ATP9A: variants seen among roughly 807,000 people sequenced by gnomAD.
ATP9A encodes ATPase phospholipid transporting 9A.
Under a neutral mutation model 144.1 loss-of-function variants are expected in ATP9A, and 52 were observed. That is an observed-to-expected ratio of 0.36 (90% confidence interval 0.29 to 0.45). The LOEUF (loss-of-function observed/expected upper bound fraction) is 0.45, where lower values mean the gene tolerates loss of function less well. ATP9A is among the 20% of genes least tolerant of loss of function. The pLI is 1.00. For synonymous variants in ATP9A, 582 were observed against 557.4 expected, an observed-to-expected ratio of 1.04 and a Z score of -0.62; for missense variants, 947 against 1,392.7, an observed-to-expected ratio of 0.68 and a Z score of 5.09.
At chr20:51,658,516 C>CTT (rs35371153) in intron 13 of ATP9A, among the ~76,000 whole-genome samples, 20,053 of 106,710 alleles carry the variant, frequency 0.19, 2,921 homozygotes, top group South Asian at 0.35. Flanking sequence ...CCTATGCTTC[C>CTT]TTTTTTTTTT....
Position 51,639,452 on chromosome 20 carries a change from T to C in ATP9A, c.1559A>G (p.Asp520Gly). ...ESVGLTLVGR[D>G]QSSMQLRTPG... ...GGTCCTCAGCTGCATGGAAGACTGG[T>C]CTCGGCCCACCAGGGTTAAGCCCAC... Residue 520 changes from aspartate (D) to glycine (G), a missense_variant, in exon 15 of 28, where the codon GAC (aspartate) becomes GGC (glycine). By Grantham distance (94) the Asp-to-Gly change is moderately conservative. Transcript: ENST00000338821. 1 of 1,613,884 alleles carries C rather than the reference T, an allele frequency of 6.2e-7. No homozygotes were observed. Among genetic ancestry groups the C allele is most frequent in the Admixed American group, 1.7e-5 (1 of 59,978 alleles).
At chr20:51,742,324 CAAAAA>C (rs74175576) in intron 1 of ATP9A, among the ~76,000 whole-genome samples, 2 of 118,132 alleles carry the variant, frequency 1.7e-5, no homozygotes, top group African/African-American at 3.1e-5. Context: ...AACACTGTCT[CAAAAA>C]AAAAAAAAAA....
chr20:51,751,240 T>C (rs1449153759), intron 1 of ATP9A, among the ~76,000 whole-genome samples: 1 of 150,728 alleles, frequency 6.6e-6, no homozygotes, highest in African/African-American at 2.4e-5. Context: ...TGAGATTTTT[T>C]AACGTTTCTG....
At chr20:51,701,714 C>T (rs978352960) in intron 4 of ATP9A, among the ~76,000 whole-genome samples, 2 of 152,300 alleles carry the variant, frequency 1.3e-5, no homozygotes, top group Admixed American at 6.5e-5. Flanking sequence ...TTTTTAGCCA[C>T]GGTCATTCAT....
chr20:51,669,067 A>G (rs935255571), intron 13 of ATP9A, among the ~76,000 whole-genome samples: 1 of 152,162 alleles, frequency 6.6e-6, no homozygotes, highest in Non-Finnish European at 1.5e-5. Flanking sequence ...TTATCTCCAA[A>G]CAAGTGCTGC....
intron 3 of ATP9A, among the ~76,000 whole-genome samples, chr20:51,719,749 G>GAAAT (rs1343871320): frequency 7.8e-6 from 1 of 128,580 alleles, no homozygotes; most frequent in East Asian, 2.3e-4. Flanking sequence ...AAAAAAAGGG[G>GAAAT]GGGGAAGAAG....
intron 2 of ATP9A, among the ~76,000 whole-genome samples, chr20:51,727,654 G>A (rs150250723): frequency 4.3e-4 from 66 of 151,804 alleles, no homozygotes; most frequent in African/African-American, 1.4e-3. Flanking sequence ...TTAAATGGCC[G>A]CACACAGTGG....
At chr20:51,701,426 A>G (rs2122834214) in intron 4 of ATP9A, among the ~76,000 whole-genome samples, 1 of 152,286 alleles carries the variant, frequency 6.6e-6, no homozygotes, top group Non-Finnish European at 1.5e-5. Context: ...AATTAGCTCA[A>G]ATTTTTAAGT....
chr20:51,745,265 T>A (rs1210749619), intron 1 of ATP9A, among the ~76,000 whole-genome samples: 1,104 of 106,502 alleles, frequency 0.01, 16 homozygotes, highest in African/African-American at 0.038. Flanking sequence ...AGACTCCGTC[T>A]AAAAAAAAAA....
At chr20:51,607,870 C>A (rs1185315713) in intron 25 of ATP9A, among the ~76,000 whole-genome samples, 1 of 151,776 alleles carries the variant, frequency 6.6e-6, no homozygotes, top group Non-Finnish European at 1.5e-5. Context: ...ATGGTGAAAC[C>A]TCCTCTTTAC....
At position 51,656,905 on chromosome 20, in the gene ATP9A, T is replaced by TC. The variant is rs1002477602; in HGVS notation, c.1506+32dup. 5 of 1,592,542 alleles carry TC rather than the reference T, an allele frequency of 3.1e-6. No homozygotes were observed. In the African/African-American group the frequency reaches 5.4e-5, roughly 17 times the overall value. On this transcript the variant is annotated intron_variant, in intron 14 of 27. Coordinates refer to ENST00000338821, the MANE Select transcript of ATP9A (RefSeq NM_006045.3). Reference sequence around the variant, plus strand: ...CAGCACAGAGAAAACAAGCAGGGCCTCCCCATGCCTTGCTGCACCTGCCCA... The same window carrying TC: ...CAGCACAGAGAAAACAAGCAGGGCCTCCCCCATGCCTTGCTGCACCTGCCCA...
At position 51,601,127 on chromosome 20, in the gene ATP9A, A is replaced by G; in HGVS notation, c.*84T>C. 3 of 1,457,986 alleles carry G rather than the reference A, an allele frequency of 2.1e-6. No homozygotes were observed. Among genetic ancestry groups the G allele is most frequent in the Admixed American group, 2.3e-5 (1 of 42,718 alleles). The allele number at this position is 1,457,986 out of a possible 1,614,324, so 90.3% of individuals were successfully genotyped here. On this transcript the variant is annotated 3_prime_UTR_variant, in exon 28 of 28. Transcript: ENST00000338821. ...TGTTAGCAATTACTGCAAAATCCACAGGTGGCGGTTAATATAAATGGAACT... is the reference window on the plus strand; with the variant it reads ...TGTTAGCAATTACTGCAAAATCCACGGGTGGCGGTTAATATAAATGGAACT...
chr20:51,635,708 C>T (rs2077287790), intron 15 of ATP9A, among the ~76,000 whole-genome samples: 1 of 149,792 alleles, frequency 6.7e-6, no homozygotes, highest in Non-Finnish European at 1.5e-5. Context: ...CCGCACTCCA[C>T]CCTAGGCAAC....
chr20:51,766,888 G>A (rs116536540), intron 1 of ATP9A, among the ~76,000 whole-genome samples: 3,442 of 152,040 alleles, frequency 0.023, 136 homozygotes, highest in African/African-American at 0.078. Flanking sequence ...AGAGAAGGGA[G>A]GAGTGAGGGA....
chr20:51,693,763 G>T (rs2077558460), intron 7 of ATP9A, among the ~76,000 whole-genome samples: 1 of 152,136 alleles, frequency 6.6e-6, no homozygotes, highest in Non-Finnish European at 1.5e-5. Context: ...CAATTTTGGT[G>T]AGGCCCCTTG....
At chr20:51,760,342 C>G (rs1199521349) in intron 1 of ATP9A, among the ~76,000 whole-genome samples, 1 of 152,046 alleles carries the variant, frequency 6.6e-6, no homozygotes, top group Admixed American at 6.6e-5. Flanking sequence ...ATAATGTGAC[C>G]AGAGCCTCTC....
At chr20:51,758,341 G>A (rs982973821) in intron 1 of ATP9A, among the ~76,000 whole-genome samples, 1 of 152,082 alleles carries the variant, frequency 6.6e-6, no homozygotes, top group Non-Finnish European at 1.5e-5. Context: ...CCACCTTCAT[G>A]AGTGACCCTG....
chr20:51,723,851 G>C (rs1262178832), intron 3 of ATP9A, among the ~76,000 whole-genome samples: 1 of 152,000 alleles, frequency 6.6e-6, no homozygotes, highest in Non-Finnish European at 1.5e-5. Context: ...CACCGTGCCC[G>C]GCCTAAAAGC....
At position 51,676,077 on chromosome 20, in the gene ATP9A, C is replaced by T. The variant is rs1346827680; in HGVS notation, c.876+55G>A. 1.1e-5 allele frequency: 15 copies of T among 1,387,036 alleles called. No homozygotes were observed. In the East Asian group the frequency reaches 3.0e-4, roughly 28 times the overall value. 85.9% of individuals were successfully genotyped at this position (1,387,036 alleles called of 1,614,324 possible). A position where few individuals can be genotyped will look rare whatever the true frequency, so the allele number is the denominator to read the frequency against. On this transcript the variant is annotated intron_variant, in intron 10 of 27. Transcript: ENST00000338821. Reference sequence around the variant, plus strand: ...CTATTTTAATATCTCGTCACTCACCCACCAGAACCAACCAGCCCACAGCCG... The same window carrying T: ...CTATTTTAATATCTCGTCACTCACCTACCAGAACCAACCAGCCCACAGCCG...
Sources: allele counts gnomAD v4.1 joint callset (sites outside exome capture counted in the v4.1 genomes callset), GRCh38; gene constraint gnomAD v4.1.1; transcripts MANE v1.5; gene names NCBI Gene and HGNC (gene_info 2026-07-23, HGNC 2026-07-21).